RABL2B: variants seen among roughly 807,000 people sequenced by gnomAD.
RABL2B encodes the protein rab-like protein 2B.
Under a neutral mutation model 26.7 loss-of-function variants are expected in RABL2B, and 17 were observed. The observed-to-expected ratio is 0.64, with a 90% CI of 0.44 to 0.95. The LOEUF is 0.95. Among genes scored for constraint, RABL2B ranks in the 40% least tolerant of loss-of-function variants. The probability of loss-of-function intolerance (pLI) is 0.00; values close to 1 mark genes in which losing one functional copy is unlikely to be tolerated. For missense variants in RABL2B, 170 were observed against 277.2 expected, an observed-to-expected ratio of 0.61 and a Z score of 2.75; for synonymous variants, 70 against 103.9, an observed-to-expected ratio of 0.67 and a Z score of 1.99.
Position 50,767,980 on chromosome 22 carries a change from C to G in RABL2B, c.*796G>C, listed in dbSNP as rs1467837649. The G allele has an allele frequency of 3.2e-6, 1 of 313,044 alleles. No homozygotes were observed. The highest frequency in any genetic ancestry group is 6.2e-6 in the Non-Finnish European group (1 of 160,900). 19.4% of individuals were successfully genotyped at this position (313,044 alleles called of 1,614,324 possible). On this transcript the variant is annotated 3_prime_UTR_variant, in exon 9 of 9. Coordinates refer to ENST00000691320, the MANE Select transcript of RABL2B (RefSeq NM_001130919.3). ...TTAAAAACAGATGATTGGGGCCGGGCGCGGTGGCTCATGCCTGTAATCCCA... is the reference window on the plus strand; with the variant it reads ...TTAAAAACAGATGATTGGGGCCGGGGGCGGTGGCTCATGCCTGTAATCCCA...
In RABL2B at chr22:50,775,855, C is replaced by T; in HGVS notation, c.218-4G>A. 1 of 1,614,202 alleles carries T rather than the reference C, an allele frequency of 6.2e-7. No individual in the cohort carries two copies. The highest frequency in any genetic ancestry group is 8.5e-7 in the Non-Finnish European group (1 of 1,180,034). The stretch of plus-strand genomic sequence containing the variant: ...TGGCCTGCCGTGTCCCAAAAGTCTG[C>T]AATGTGAACACAGACAGACCTACAT... On this transcript the variant is annotated splice_region_variant and splice_polypyrimidine_tract_variant and intron_variant, in intron 4 of 8. Coordinates refer to ENST00000691320, the MANE Select transcript of RABL2B (RefSeq NM_001130919.3).
At chr22:50,777,847 C>A (rs1203744002) in intron 3 of RABL2B, 105 bp downstream of exon 3, 1 of 1,580,680 alleles carries the variant, frequency 6.3e-7, no homozygotes, top group Non-Finnish European at 8.7e-7. Flanking sequence ...CTTACCCAAT[C>A]CTCCTTCCTG....
At chr22:50,781,280 C>T (rs2085805428) in intron 2 of RABL2B, among the ~76,000 whole-genome samples, 1 of 148,356 alleles carries the variant, frequency 6.7e-6, no homozygotes, top group Non-Finnish European at 1.5e-5. Context: ...GGAGGCGGAG[C>T]TTGCAGTGAG....
At chr22:50,777,277 T>C (rs1344570082) in intron 3 of RABL2B, among the ~76,000 whole-genome samples, 1 of 152,104 alleles carries the variant, frequency 6.6e-6, no homozygotes, top group African/African-American at 2.4e-5. Flanking sequence ...CCGGACAGTG[T>C]AAAAAGCAGA....
intron 3 of RABL2B, 137 bp downstream of exon 3, chr22:50,777,815 C>G: frequency 7.2e-7 from 1 of 1,391,742 alleles, no homozygotes; most frequent in Non-Finnish European, 1.0e-6. Context: ...GAAACAAGTG[C>G]GGAACAAAAC....
rs535228698 is a variant in RABL2B at position 50,776,728 on chromosome 22, C to T, written c.159G>A (p.Thr53=). ...MDGFQPQQLS[T]YALTLYKHTA... is the part of the protein sequence containing the mutation. Reference sequence around the variant, plus strand: ...TGTGCTTGTACAGGGTCAGGGCGTACGTGGACAGCTGCTGTGGCTGACTGC... The same window carrying T: ...TGTGCTTGTACAGGGTCAGGGCGTATGTGGACAGCTGCTGTGGCTGACTGC... Residue 53 remains threonine (T), a synonymous_variant, in exon 4 of 9, where the codon ACG becomes ACA. Coordinates refer to ENST00000691320, the MANE Select transcript of RABL2B (RefSeq NM_001130919.3). 4.7e-5 allele frequency: 76 copies of T among 1,610,848 alleles called. No homozygotes were observed. The highest frequency in any genetic ancestry group is 5.7e-5 in the Non-Finnish European group (67 of 1,178,470).
intron 5 of RABL2B, among the ~76,000 whole-genome samples, chr22:50,775,328 C>G (rs1252885072): frequency 2.6e-5 from 4 of 152,020 alleles, no homozygotes; most frequent in African/African-American, 9.7e-5. Context: ...ATGGGAGGCT[C>G]GGGGGGAGGC....
chr22:50,781,685 C>T (rs1283450176), intron 2 of RABL2B, among the ~76,000 whole-genome samples: 39 of 152,216 alleles, frequency 2.6e-4, no homozygotes, highest in South Asian at 1.0e-3. Flanking sequence ...GCTGGCAGCA[C>T]GGCAGAGCCT....
intron 5 of RABL2B, among the ~76,000 whole-genome samples, chr22:50,770,885 G>A (rs1467790299): frequency 3.5e-5 from 5 of 143,000 alleles, no homozygotes; most frequent in Admixed American, 6.7e-5. Context: ...CAAGTAGCAC[G>A]CACGCATTAA....
chr22:50,775,127 G>T (rs1433995245), intron 5 of RABL2B, among the ~76,000 whole-genome samples: 25 of 152,314 alleles, frequency 1.6e-4, no homozygotes, highest in African/African-American at 5.8e-4. Flanking sequence ...CTCCTTTTCA[G>T]CATTTAAAAG....
chr22:50,781,199 C>T (rs201888122), intron 2 of RABL2B, among the ~76,000 whole-genome samples: 1 of 152,152 alleles, frequency 6.6e-6, no homozygotes, highest in East Asian at 1.9e-4. Context: ...ATAAAATTAG[C>T]TGGGTGTGGT....
intron 6 of RABL2B, 52 bp from the exon 7 acceptor site, chr22:50,769,604 G>T: frequency 1.2e-6 from 2 of 1,611,908 alleles, no homozygotes; most frequent in Non-Finnish European, 1.7e-6. Context: ...AGGGAAGAAG[G>T]TTTGGAGGGG....
chr22:50,782,350 G>A lies in RABL2B; in HGVS notation c.-53-3C>T. The A allele has an allele frequency of 9.9e-7, 1 of 1,006,084 alleles. No individual in the cohort carries two copies. Among genetic ancestry groups the A allele is most frequent in the Non-Finnish European group, 1.4e-6 (1 of 694,584 alleles). 62.3% of individuals were successfully genotyped at this position (1,006,084 alleles called of 1,614,324 possible). The stretch of plus-strand genomic sequence containing the variant: ...CAAGGGAGGGGAGGGTATTGTCACT[G>A]TCTGGGAAGATCAACAAGAGGCTGT... On this transcript the variant is annotated splice_polypyrimidine_tract_variant and splice_region_variant and intron_variant, in intron 1 of 8. Coordinates refer to ENST00000691320, the MANE Select transcript of RABL2B (RefSeq NM_001130919.3).
At chr22:50,770,187 C>T (rs1555917347) in intron 5 of RABL2B, 171 bp from the exon 6 acceptor site, 2 of 825,928 alleles carry the variant, frequency 2.4e-6, no homozygotes, top group South Asian at 1.8e-5. Context: ...TCAGGGAAGC[C>T]CCCTGGAGCC....
intron 3 of RABL2B, among the ~76,000 whole-genome samples, chr22:50,777,025 T>C (rs2085094682): frequency 6.6e-6 from 1 of 152,088 alleles, no homozygotes; most frequent in African/African-American, 2.4e-5. Context: ...ACAAGTGTCA[T>C]AAAAGGCATC....
At chr22:50,777,636 G>A in intron 3 of RABL2B, 1 of 458,354 alleles carries the variant, frequency 2.2e-6, no homozygotes, top group South Asian at 2.1e-5. Flanking sequence ...GACTTGGCCA[G>A]TATCAGAAGC....
intron 4 of RABL2B, among the ~76,000 whole-genome samples, chr22:50,776,090 G>A (rs2084936825): frequency 6.6e-6 from 1 of 151,966 alleles, no homozygotes; most frequent in South Asian, 2.1e-4. Flanking sequence ...GGGGCCAGGA[G>A]GAAGGACAAC....
In RABL2B at chr22:50,769,453, A is replaced by G; in HGVS notation, c.507+2T>C. 6.2e-7 allele frequency: 1 copy of G among 1,611,600 alleles called. No individual in the cohort carries two copies. Among genetic ancestry groups the G allele is most frequent in the Non-Finnish European group, 8.5e-7 (1 of 1,178,984 alleles). ...GCTAGCTACCTCTGCAGTCAACCAC[A>G]CCTTCACAACATTGGTACCATCAGC... On this transcript the variant is annotated splice_donor_variant, in intron 7 of 8. Coordinates refer to ENST00000691320, the MANE Select transcript of RABL2B (RefSeq NM_001130919.3). LOFTEE classifies it high-confidence loss of function.
intron 3 of RABL2B, 143 bp downstream of exon 3, chr22:50,777,809 C>G (rs1446058181): frequency 7.5e-7 from 1 of 1,331,152 alleles, no homozygotes; most frequent in African/African-American, 1.4e-5. Flanking sequence ...CGGCAAGAAA[C>G]AAGTGCGGAA....
Sources: allele counts gnomAD v4.1 joint callset (sites outside exome capture counted in the v4.1 genomes callset), GRCh38; gene constraint gnomAD v4.1.1; transcripts MANE v1.5; gene names NCBI Gene and HGNC (gene_info 2026-07-23, HGNC 2026-07-21).